The following ANAPC11 variants were observed in gnomAD, a reference collection of about 807,000 sequenced individuals.
The protein encoded by ANAPC11 is anaphase promoting complex subunit 11, also known as anaphase-promoting complex subunit 11.
A neutral mutation model predicts 11.8 loss-of-function variants in ANAPC11; 5 were observed. That is an observed-to-expected ratio of 0.42 (90% CI 0.22 to 0.89). The LOEUF (loss-of-function observed/expected upper bound fraction) is 0.89. ANAPC11 is among the 40% of genes least tolerant of loss of function. The pLI is 0.28. For missense variants in ANAPC11, 68 were observed against 112.9 expected, an observed-to-expected ratio of 0.60 and a Z score of 1.80; for synonymous variants, 45 against 41.0, an observed-to-expected ratio of 1.10 and a Z score of -0.38.
upstream of ANAPC11, chr17:81,891,481 G>A: frequency 1.7e-6 from 2 of 1,200,138 alleles, no homozygotes; most frequent in Non-Finnish European, 2.1e-6. Context: ...CCGCGGCCCC[G>A]GCCCCCGCCC....
At chr17:81,896,620 G>A (rs143412983) in intron 3 of ANAPC11, among the ~76,000 whole-genome samples, 1 of 152,086 alleles carries the variant, frequency 6.6e-6, no homozygotes, top group Non-Finnish European at 1.5e-5. Flanking sequence ...GGGGAGGACC[G>A]AGAAGCTACT....
chr17:81,894,508 G>A lies in ANAPC11; in HGVS notation c.31G>A (p.Val11Met), dbSNP rs1254550647. ...GGTGAAGATTAAGTGCTGGAACGGC[G>A]TGGCCACTTGGCTCTGGGTGGCCAA... is the stretch of plus-strand genomic sequence containing the variant. MKVKIKCWNGVATWLWVANDE... is the reference protein window; with the variant it reads MKVKIKCWNGMATWLWVANDE... Residue 11 changes from valine (V) to methionine (M), a missense_variant, in exon 3 of 4, where the codon GTG becomes ATG. Transcript: ENST00000344877. 10 of 1,613,068 alleles carry A rather than the reference G, an allele frequency of 6.2e-6. No individual in the cohort carries two copies. Among genetic ancestry groups the A allele is most frequent in the South Asian group, 4.4e-5 (4 of 91,004 alleles).
intron 3 of ANAPC11, chr17:81,899,637 C>G: frequency 7.2e-7 from 1 of 1,394,288 alleles, no homozygotes; most frequent in Non-Finnish European, 9.7e-7. Context: ...CCTGGGCTCC[C>G]CACTGAGCAT....
intron 3 of ANAPC11, chr17:81,899,214 C>T (rs962512335): frequency 6.2e-7 from 1 of 1,603,078 alleles, no homozygotes; most frequent in Non-Finnish European, 8.5e-7. Flanking sequence ...TTGATCATGG[C>T]TGATACAAGC....
chr17:81,899,392 A>T (rs374400220), intron 3 of ANAPC11: 3 of 1,613,796 alleles, frequency 1.9e-6, no homozygotes, highest in Non-Finnish European at 2.5e-6. Context: ...TCTAGGGAAG[A>T]GTCTTCTAGG....
At chr17:81,892,669 C>T (rs922723876) in intron 1 of ANAPC11, among the ~76,000 whole-genome samples, 2 of 150,482 alleles carry the variant, frequency 1.3e-5, no homozygotes, top group Non-Finnish European at 3.0e-5. Flanking sequence ...ACTACAGGCA[C>T]GTGCCACCAT....
At chr17:81,891,463 C>A, upstream of ANAPC11, 1 of 1,090,352 alleles carries the variant, frequency 9.2e-7, no homozygotes, top group South Asian at 2.9e-5. Flanking sequence ...CCCTGGGAGC[C>A]GGCCCGGCCG....
At chr17:81,897,466 A>G (rs1598302085) in intron 3 of ANAPC11, among the ~76,000 whole-genome samples, 4 of 151,718 alleles carry the variant, frequency 2.6e-5, no homozygotes, top group East Asian at 3.9e-4. Flanking sequence ...AATTGAGATG[A>G]CTGAATCTTA....
At chr17:81,895,827 G>T (rs2039723556) in intron 3 of ANAPC11, among the ~76,000 whole-genome samples, 1 of 152,238 alleles carries the variant, frequency 6.6e-6, no homozygotes, top group Non-Finnish European at 1.5e-5. Context: ...AATTAGCTGG[G>T]TGTGTGGCGT....
intron 3 of ANAPC11, among the ~76,000 whole-genome samples, chr17:81,895,514 A>G (rs1287341611): frequency 6.6e-6 from 1 of 152,226 alleles, no homozygotes; most frequent in Non-Finnish European, 1.5e-5. Context: ...GGCAGATCAC[A>G]AGGTCAAGAG....
chr17:81,892,429 A>C (rs554447476), intron 1 of ANAPC11, among the ~76,000 whole-genome samples: 9 of 151,812 alleles, frequency 5.9e-5, no homozygotes, highest in African/African-American at 2.2e-4. Flanking sequence ...TGGTGGCACC[A>C]CTGCACTCCA....
rs995417954 is a variant in ANAPC11, at chr17:81,897,803, A to AT, written c.110-2109dup. On this transcript the variant is annotated intron_variant, in intron 3 of 3. Coordinates refer to ENST00000344877, the MANE Select transcript of ANAPC11 (RefSeq NM_001002248.3). ...CTGAACAAAACTACATAAATTTTTA[A>AT]TTTTTTTTGTGGAAATGGAGTCTCA... Among the ~76,000 whole-genome samples, 28 of 151,826 alleles carry AT rather than the reference A, an allele frequency of 1.8e-4. 1 individual carries two copies. Among genetic ancestry groups the AT allele is most frequent in the East Asian group, 1.5e-3 (8 of 5,168 alleles).
chr17:81,896,757 C>G (rs143027185), intron 3 of ANAPC11, among the ~76,000 whole-genome samples: 1 of 151,130 alleles, frequency 6.6e-6, no homozygotes, highest in Non-Finnish European at 1.5e-5. Context: ...ACTGTCTCAG[C>G]CTCCCAAGTA....
chr17:81,894,779 G>A (rs548232044), intron 3 of ANAPC11, 193 bp downstream of exon 3: 5 of 436,460 alleles, frequency 1.1e-5, no homozygotes, highest in African/African-American at 6.3e-5. Flanking sequence ...GTGCAATGGC[G>A]CGATCTCGGC....
chr17:81,899,381 G>A (rs371131210), intron 3 of ANAPC11: 7 of 1,613,794 alleles, frequency 4.3e-6, no homozygotes, highest in Non-Finnish European at 5.9e-6. Context: ...GATCCCTGAT[G>A]TCTAGGGAAG....
chr17:81,896,507 A>G (rs2039748356), intron 3 of ANAPC11, among the ~76,000 whole-genome samples: 1 of 152,204 alleles, frequency 6.6e-6, no homozygotes, highest in Admixed American at 6.5e-5. Context: ...TTTTCATGAG[A>G]CCGAAATGAG....
At chr17:81,899,896 C>A in intron 3 of ANAPC11, 24 bp from the exon 4 acceptor site, 1 of 1,600,946 alleles carries the variant, frequency 6.2e-7, no homozygotes, top group Non-Finnish European at 8.5e-7. Context: ...CATGCCTGTC[C>A]TTTTCCCCAC....
chr17:81,894,672 T>A, intron 3 of ANAPC11, 86 bp downstream of exon 3: 1 of 727,366 alleles, frequency 1.4e-6, no homozygotes, highest in Non-Finnish European at 2.2e-6. Flanking sequence ...CTAGCCTCAG[T>A]AGCTCCTGTT....
Position 81,900,220 on chromosome 17 carries a change from C to T in ANAPC11, c.*155C>T, listed in dbSNP as rs1291815863. 3 of 1,235,236 alleles carry T rather than the reference C, an allele frequency of 2.4e-6. No individual in the cohort carries two copies. Among genetic ancestry groups the T allele is most frequent in the African/African-American group, 3.1e-5 (2 of 65,350 alleles). 76.5% of individuals were successfully genotyped at this position (1,235,236 alleles called of 1,614,324 possible). On this transcript the variant is annotated 3_prime_UTR_variant, in exon 4 of 4. Coordinates refer to ENST00000344877, the MANE Select transcript of ANAPC11 (RefSeq NM_001002248.3). The stretch of plus-strand genomic sequence containing the variant: ...CCATCACTATGTTGACACTTTTATC[C>T]AATAAGTGAAAACTCATTAAACTAC...
Sources: allele counts gnomAD v4.1 joint callset (sites outside exome capture counted in the v4.1 genomes callset), GRCh38; gene constraint gnomAD v4.1.1; transcripts MANE v1.5; gene names NCBI Gene and HGNC (gene_info 2026-07-23, HGNC 2026-07-21).